Variants in IFT122 observed in about 807,000 individuals in gnomAD.
The protein encoded by IFT122 is intraflagellar transport 122.
In IFT122, 118 loss-of-function variants were observed where a neutral mutation model predicts 161.6. That is an observed-to-expected ratio of 0.73 (90% CI 0.63 to 0.85). The LOEUF is 0.85. IFT122 is among the 40% of genes least tolerant of loss of function. The probability of loss-of-function intolerance (pLI) is 0.00; values close to 1 mark genes in which losing one functional copy is unlikely to be tolerated. For synonymous variants in IFT122, 550 were observed against 602.4 expected, an observed-to-expected ratio of 0.91 and a Z score of 1.27; for missense variants, 1,381 against 1,579.6, an observed-to-expected ratio of 0.87 and a Z score of 2.13.
intron 16 of IFT122, among the ~76,000 whole-genome samples, chr3:129,490,644 G>A (rs1162060243): frequency 6.6e-6 from 1 of 152,204 alleles, no homozygotes; most frequent in African/African-American, 2.4e-5. Flanking sequence ...GATGGTTGGA[G>A]CCCAGAAGCA....
At position 129,452,871 on chromosome 3, in the gene IFT122, T is replaced by G. The variant is rs148434524; in HGVS notation, c.193+873T>G. Among the ~76,000 whole-genome samples, 177 of 152,110 alleles carry G rather than the reference T, an allele frequency of 1.2e-3. 1 individual carries two copies. In the Middle Eastern group the frequency reaches 0.02, roughly 18 times the overall value. On this transcript the variant is annotated intron_variant, in intron 3 of 29. Transcript: ENST00000348417. ...GGGGTGATGGTGGCTCAGACCTCTG[T>G]GGGGGCAGAGGAGGTGATGAGAAAT...
At chr3:129,491,819 G>C (rs1456208556) in intron 16 of IFT122, among the ~76,000 whole-genome samples, 1 of 152,146 alleles carries the variant, frequency 6.6e-6, no homozygotes, top group East Asian at 1.9e-4. Flanking sequence ...GGTCAGACCG[G>C]CTTGTTCTTC....
intron 1 of IFT122, among the ~76,000 whole-genome samples, chr3:129,444,126 C>G (rs931701948): frequency 3.9e-5 from 6 of 152,216 alleles, no homozygotes; most frequent in African/African-American, 1.2e-4. Context: ...AGGAGGCTAC[C>G]TCTCTATCCT....
chr3:129,506,521 G>C lies in IFT122; in HGVS notation c.2763G>C (p.Leu921=). ...ATGCTGCCTATTATTACTGGATGCT[G>C]TCCATGCAGTGCCTCGATATAGCTC... ...FNDAAYYYWM[L]SMQCLDIAQD... is the part of the protein sequence containing the mutation. The change falls in exon 22 of 30, where the codon CTG becomes CTC. Residue 921 remains leucine, a synonymous_variant. Coordinates refer to ENST00000348417, the MANE Select transcript of IFT122 (RefSeq NM_052989.3). 1.2e-6 allele frequency: 2 copies of C among 1,614,208 alleles called. No homozygotes were observed. Among genetic ancestry groups the C allele is most frequent in the East Asian group, 4.5e-5 (2 of 44,888 alleles).
At chr3:129,498,675 A>C (rs1241652007) in intron 18 of IFT122, among the ~76,000 whole-genome samples, 1 of 152,222 alleles carries the variant, frequency 6.6e-6, no homozygotes, top group African/African-American at 2.4e-5. Flanking sequence ...TAATTGTTCA[A>C]GTGGATTTTT....
rs368574590 is a variant in IFT122, at chr3:129,515,528, C to T, written c.3194C>T (p.Pro1065Leu). ...TGCTACCGCTGCTCCACCAACAACC[C>T]GCTGCTCAACAACCTGGGCAACGTC... ...PLCYRCSTNN[P>L]LLNNLGNVCI... Residue 1065 changes from proline to leucine, a missense_variant, in exon 26 of 30, where the codon CCG (proline) becomes CTG (leucine). Physicochemically the swap from Pro to Leu is moderately conservative, Grantham distance 98 (BLOSUM62 -3). Coordinates refer to ENST00000348417, the MANE Select transcript of IFT122 (RefSeq NM_052989.3). 8.9e-6 allele frequency: 14 copies of T among 1,580,656 alleles called. No individual in the cohort carries two copies. The highest frequency in any genetic ancestry group is 4.5e-5 in the East Asian group (2 of 44,538).
At chr3:129,444,094 C>G (rs1173619273) in intron 1 of IFT122, among the ~76,000 whole-genome samples, 2 of 152,230 alleles carry the variant, frequency 1.3e-5, no homozygotes, top group East Asian at 1.9e-4. Context: ...TTTGGATAGA[C>G]TGGCTTGTGC....
rs1298242361 is a variant in IFT122, at chr3:129,466,528, G to T, written c.564-362G>T. 6.5e-5 allele frequency among the ~76,000 whole-genome samples: 9 copies of T among 138,812 alleles called. No individual in the cohort carries two copies. In the East Asian group the frequency reaches 1.1e-3, roughly 17 times the overall value. 91.1% of individuals were successfully genotyped at this position (138,812 alleles called of 152,430 possible). ...TTTTTTTTTTTTTTTTTGAGACGGG[G>T]TCTCACTCTGTCACCCAGGCTGCAG... On this transcript the variant is annotated intron_variant, in intron 7 of 29. Coordinates refer to ENST00000348417, the MANE Select transcript of IFT122 (RefSeq NM_052989.3).
chr3:129,478,221 G>A lies in IFT122; in HGVS notation c.1350+3G>A, dbSNP rs1317843734. On this transcript the variant is annotated splice_donor_region_variant and intron_variant, in intron 12 of 29. Coordinates refer to ENST00000348417, the MANE Select transcript of IFT122 (RefSeq NM_052989.3). ...CCAATCACATCATCCTGTGCCAGGT[G>A]GGCAGCAGCATGTTGAAGGAGTTGG... 3.1e-6 allele frequency: 5 copies of A among 1,613,690 alleles called. No individual in the cohort carries two copies. In the East Asian group the frequency reaches 1.1e-4, roughly 36 times the overall value.
chr3:129,471,978 A>C (rs1346997486), intron 9 of IFT122, among the ~76,000 whole-genome samples: 2 of 152,176 alleles, frequency 1.3e-5, no homozygotes, highest in Non-Finnish European at 2.9e-5. Flanking sequence ...ACCATTTTAC[A>C]TGTACGAAAA....
At chr3:129,453,197 T>G (rs1257748952) in intron 3 of IFT122, among the ~76,000 whole-genome samples, 2 of 152,082 alleles carry the variant, frequency 1.3e-5, no homozygotes, top group Non-Finnish European at 2.9e-5. Flanking sequence ...ACGGGGTATT[T>G]GCTTTAGATA....
At chr3:129,478,754 C>T (rs1052712328) in intron 12 of IFT122, among the ~76,000 whole-genome samples, 1 of 152,140 alleles carries the variant, frequency 6.6e-6, no homozygotes, top group Non-Finnish European at 1.5e-5. Flanking sequence ...GCCAAGAATA[C>T]CTTGTTCTAT....
intron 15 of IFT122, among the ~76,000 whole-genome samples, chr3:129,486,647 G>C (rs1018713737): frequency 5.3e-5 from 8 of 152,088 alleles, no homozygotes; most frequent in Non-Finnish European, 1.2e-4. Flanking sequence ...AGGGAAAGGT[G>C]GGGGTAGGAA....
Position 129,519,719 on chromosome 3 carries a change from C to T in IFT122, c.3623C>T (p.Pro1208Leu), listed in dbSNP as rs773557692. Residue 1208 changes from proline (P) to leucine (L), a missense_variant, in exon 29 of 30, where the codon CCC becomes CTC. Physicochemically the swap from Pro to Leu is moderately conservative, Grantham distance 98 (BLOSUM62 -3). This residue lies in a region of IFT122 where 177 missense variants were observed against 199.2 expected (regional missense o/e 0.89). Transcript: ENST00000348417. Reference sequence around the variant, plus strand: ...CCTGACGCCTCCATTACCATGTGCCCCTCCTGCTTCCAGGTAGGTGGCCAC... The same window carrying T: ...CCTGACGCCTCCATTACCATGTGCCTCTCCTGCTTCCAGGTAGGTGGCCAC... ...LLPDASITMC[P>L]SCFQMFHSED... 5 of 1,613,662 alleles carry T rather than the reference C, an allele frequency of 3.1e-6. No individual in the cohort carries two copies. Among genetic ancestry groups the T allele is most frequent in the Non-Finnish European group, 3.4e-6 (4 of 1,180,018 alleles).
intron 21 of IFT122, among the ~76,000 whole-genome samples, chr3:129,506,021 G>A (rs567658836): frequency 1.3e-5 from 2 of 152,206 alleles, no homozygotes; most frequent in Non-Finnish European, 2.9e-5. Context: ...TCCAAGTGCA[G>A]TAAAGTGGCA....
At chr3:129,444,374 C>T (rs945811058) in intron 1 of IFT122, among the ~76,000 whole-genome samples, 51 of 152,056 alleles carry the variant, frequency 3.4e-4, no homozygotes, top group African/African-American at 1.2e-3. Context: ...ATCCTTGTTC[C>T]AGCTTCTTTA....
At chr3:129,492,237 G>C in intron 17 of IFT122, 43 bp downstream of exon 17, 1 of 1,494,876 alleles carries the variant, frequency 6.7e-7, no homozygotes, top group Non-Finnish European at 9.3e-7. Context: ...GGCATACTTG[G>C]GGTTCCTGTT....
intron 23 of IFT122, among the ~76,000 whole-genome samples, chr3:129,508,675 T>A (rs1206114128): frequency 6.6e-6 from 1 of 152,232 alleles, no homozygotes; most frequent in Non-Finnish European, 1.5e-5. Context: ...TAAAAATCCA[T>A]ACTTTGGGAT....
At chr3:129,451,223 C>G (rs181012261) in intron 2 of IFT122, among the ~76,000 whole-genome samples, 1 of 152,066 alleles carries the variant, frequency 6.6e-6, no homozygotes, top group African/African-American at 2.4e-5. Context: ...CTCAGCCTCC[C>G]GAGTAGCTAG....
Sources: gnomAD v4.1 joint callset for allele counts (sites outside exome capture counted in the v4.1 genomes callset) on GRCh38, gnomAD v4.1.1 for gene constraint, gnomAD v4.1.1 regional missense constraint, MANE v1.5 for transcripts, NCBI Gene and HGNC (gene_info 2026-07-23, HGNC 2026-07-21) for gene names.